Variants in GRM8 observed in about 807,000 individuals in gnomAD.
The protein encoded by GRM8 is metabotropic glutamate receptor 8.
A neutral mutation model predicts 87.2 loss-of-function variants in GRM8; 47 were observed. That is an observed-to-expected ratio of 0.54 (90% confidence interval 0.43 to 0.69). GRM8 has a LOEUF of 0.69. GRM8 is among the 30% of genes least tolerant of loss of function. The pLI, the probability that GRM8 is intolerant of heterozygous loss-of-function variation, is 0.00. For missense variants in GRM8, 1,019 were observed against 1,139.2 expected (o/e 0.89, Z 1.52); for synonymous variants, 396 against 404.5 (o/e 0.98, Z 0.25).
intron 3 of GRM8, among the ~76,000 whole-genome samples, chr7:126,946,306 AG>A (rs1224559455): frequency 1.3e-5 from 2 of 152,196 alleles, no homozygotes; most frequent in African/African-American, 2.4e-5. Context: ...GTTCAAGACC[AG>A]CTTGAGCAAC....
intron 3 of GRM8, among the ~76,000 whole-genome samples, chr7:126,971,639 G>A (rs1455754544): frequency 6.6e-6 from 1 of 152,114 alleles, no homozygotes; most frequent in Admixed American, 6.6e-5. Flanking sequence ...GAATCTTCTA[G>A]GAGGGCTATG....
At position 127,093,989 on chromosome 7, in the gene GRM8, AT is replaced by A. The variant is rs572854451; in HGVS notation, c.727+12506del. Reference sequence around the variant, plus strand: ...ATTTTATTATATTATGAAGCCATTTATTTTCAAGGAAACTATATTTGTTGCT... The same window carrying A: ...ATTTTATTATATTATGAAGCCATTTATTTCAAGGAAACTATATTTGTTGCT... On this transcript the variant is annotated intron_variant, in intron 3 of 10. Coordinates refer to ENST00000339582, the MANE Select transcript of GRM8 (RefSeq NM_000845.3). Among the ~76,000 whole-genome samples the A allele has an allele frequency of 4.4e-3, 667 of 152,290 alleles. 3 individuals carry two copies. Among genetic ancestry groups the A allele is most frequent in the Middle Eastern group, 6.8e-3 (2 of 294 alleles).
intron 3 of GRM8, among the ~76,000 whole-genome samples, chr7:127,040,403 A>G (rs1818313347): frequency 6.6e-6 from 1 of 152,146 alleles, no homozygotes; most frequent in Non-Finnish European, 1.5e-5. Flanking sequence ...GATGCCACAA[A>G]TGCCCATCCA....
At chr7:126,887,704 T>C (rs1035283775) in intron 6 of GRM8, among the ~76,000 whole-genome samples, 15 of 152,112 alleles carry the variant, frequency 9.9e-5, no homozygotes, top group African/African-American at 3.6e-4. Context: ...CTCATAATCA[T>C]CTGTCCTAAA....
chr7:126,613,076 C>A (rs1034311294), intron 7 of GRM8, among the ~76,000 whole-genome samples: 8 of 152,064 alleles, frequency 5.3e-5, no homozygotes. Flanking sequence ...TTACTTCAAC[C>A]CTTTTTCAGG....
chr7:126,888,810 A>G (rs1229579331), intron 6 of GRM8, among the ~76,000 whole-genome samples: 2 of 152,120 alleles, frequency 1.3e-5, no homozygotes, highest in Admixed American at 6.6e-5. Flanking sequence ...ACCATGAACA[A>G]AAGGATAATT....
intron 8 of GRM8, among the ~76,000 whole-genome samples, chr7:126,551,550 G>T (rs1201750991): frequency 1.3e-5 from 2 of 152,144 alleles, no homozygotes; most frequent in Admixed American, 1.3e-4. Flanking sequence ...CAAGCGCTGT[G>T]AGATAGAACT....
intron 1 of GRM8, among the ~76,000 whole-genome samples, 168 bp from the exon 2 acceptor site, chr7:127,243,683 G>A (rs1316592119): frequency 1.3e-5 from 2 of 152,008 alleles, no homozygotes; most frequent in African/African-American, 4.8e-5. Context: ...CATCTAAACA[G>A]GGAGATTGAT....
intron 6 of GRM8, among the ~76,000 whole-genome samples, chr7:126,809,337 A>G (rs1793072969): frequency 6.6e-6 from 1 of 152,198 alleles, no homozygotes; most frequent in East Asian, 1.9e-4. Flanking sequence ...TTGAGGGGCT[A>G]TTATTCTGCT....
chr7:126,477,603 G>T (rs1179909543), intron 9 of GRM8, among the ~76,000 whole-genome samples: 1 of 108,882 alleles, frequency 9.2e-6, no homozygotes, highest in Non-Finnish European at 1.9e-5. Flanking sequence ...AAGAAAGAAA[G>T]AAAGAAAGAA....
At chr7:127,074,376 T>C (rs1323233662) in intron 3 of GRM8, among the ~76,000 whole-genome samples, 2 of 152,120 alleles carry the variant, frequency 1.3e-5, no homozygotes, top group Non-Finnish European at 2.9e-5. Flanking sequence ...TTGTGCAATA[T>C]AGGCAAAGGA....
chr7:126,510,409 G>C (rs1811159871), intron 9 of GRM8, among the ~76,000 whole-genome samples: 1 of 151,918 alleles, frequency 6.6e-6, no homozygotes, highest in African/African-American at 2.4e-5. Flanking sequence ...CTAGTTCCCT[G>C]AGAGAACTGA....
At chr7:126,820,094 A>G (rs1794162337) in intron 6 of GRM8, among the ~76,000 whole-genome samples, 2 of 152,232 alleles carry the variant, frequency 1.3e-5, no homozygotes, top group African/African-American at 4.8e-5. Flanking sequence ...TTTAAATTTC[A>G]TAGCCACTTG....
intron 7 of GRM8, among the ~76,000 whole-genome samples, chr7:126,630,601 C>T (rs1801160152): frequency 6.6e-6 from 1 of 152,104 alleles, no homozygotes; most frequent in East Asian, 1.9e-4. Flanking sequence ...AGGCCAATAT[C>T]CTTGATGAAC....
chr7:126,455,180 T>C (rs985296372), intron 9 of GRM8, among the ~76,000 whole-genome samples: 1 of 151,754 alleles, frequency 6.6e-6, no homozygotes, highest in African/African-American at 2.4e-5. Context: ...AAGGTAGGAA[T>C]GAATAAGTCT....
intron 7 of GRM8, among the ~76,000 whole-genome samples, chr7:126,619,231 G>T (rs977259075): frequency 6.6e-6 from 1 of 152,130 alleles, no homozygotes; most frequent in African/African-American, 2.4e-5. Flanking sequence ...GTAGGGACAT[G>T]GATGAAGCTG....
At chr7:127,232,874 G>A (rs1306737869) in intron 2 of GRM8, among the ~76,000 whole-genome samples, 1 of 152,130 alleles carries the variant, frequency 6.6e-6, no homozygotes, top group Admixed American at 6.5e-5. Context: ...GAGTCTTGCT[G>A]TTACCCAGGC....
intron 7 of GRM8, among the ~76,000 whole-genome samples, chr7:126,633,090 GAATAA>G (rs1464472187): frequency 1.2e-4 from 18 of 152,012 alleles, no homozygotes; most frequent in African/African-American, 4.1e-4. Flanking sequence ...AGACCTGGAA[GAATAA>G]AATAAGAAAA....
At chr7:127,145,034 T>C (rs1747769600) in intron 2 of GRM8, among the ~76,000 whole-genome samples, 2 of 152,162 alleles carry the variant, frequency 1.3e-5, no homozygotes, top group South Asian at 2.1e-4. Flanking sequence ...GTAGAAGACA[T>C]TGTCATGGCT....
Sources: gnomAD v4.1 joint callset for allele counts (sites outside exome capture counted in the v4.1 genomes callset) on GRCh38, gnomAD v4.1.1 for gene constraint, MANE v1.5 for transcripts, NCBI Gene and HGNC (gene_info 2026-07-23, HGNC 2026-07-21) for gene names.